The following KCNIP4 variants were observed in gnomAD, a reference collection of about 807,000 sequenced individuals.
The protein encoded by KCNIP4 is potassium voltage-gated channel interacting protein 4.
KCNIP4 carries 12 observed loss-of-function variants against 34.0 expected under a neutral mutation model. That is an observed-to-expected ratio of 0.35 (90% CI 0.23 to 0.57). The LOEUF (loss-of-function observed/expected upper bound fraction) is 0.57. KCNIP4 is among the 20% of genes least tolerant of loss of function. The pLI is 0.83. For synonymous variants in KCNIP4, 124 were observed against 102.2 expected (o/e 1.21, Z -1.29); for missense variants, 238 against 311.7 (o/e 0.76, Z 1.78).
In KCNIP4 at chr4:21,374,064, A is replaced by G. The variant is rs535297067; in HGVS notation, c.62-491355T>C. Among the ~76,000 whole-genome samples, 3 of 147,494 alleles carry G rather than the reference A, an allele frequency of 2.0e-5. No individual in the cohort carries two copies. The East Asian group carries it at 5.9e-4, about 29-fold the overall frequency. ...AGCACTATGTTAGTAAAATGCCACC[A>G]CAAATACTTTGCAGAATTACTGTAA... On this transcript the variant is annotated intron_variant, in intron 1 of 8. Transcript: ENST00000382152.
chr4:20,986,324 G>T (rs748352819), intron 1 of KCNIP4, among the ~76,000 whole-genome samples: 24 of 152,114 alleles, frequency 1.6e-4, no homozygotes, highest in Non-Finnish European at 2.6e-4. Flanking sequence ...AGATATCCTT[G>T]TATCCACCTG....
intron 1 of KCNIP4, among the ~76,000 whole-genome samples, chr4:21,247,798 T>G (rs566544193): frequency 1.2e-5 from 1 of 86,726 alleles, no homozygotes; most frequent in Admixed American, 1.2e-4. Flanking sequence ...ACACCACAGG[T>G]GGATATATAT....
At chr4:21,291,867 A>AGG (rs1473818150) in intron 1 of KCNIP4, among the ~76,000 whole-genome samples, 2 of 51,116 alleles carry the variant, frequency 3.9e-5, no homozygotes, top group African/African-American at 2.0e-4. Flanking sequence ...AAAAAAAAAA[A>AGG]AAAGAAAGAA....
chr4:21,415,396 T>C (rs1164709185), intron 1 of KCNIP4, among the ~76,000 whole-genome samples: 1 of 152,064 alleles, frequency 6.6e-6, no homozygotes, highest in East Asian at 1.9e-4. Flanking sequence ...GTGCCTTTAG[T>C]AAATAATATT....
chr4:21,535,956 A>G (rs1737131003), intron 1 of KCNIP4, among the ~76,000 whole-genome samples: 1 of 152,128 alleles, frequency 6.6e-6, no homozygotes. Context: ...CTCCCTTGGT[A>G]TATCTCACCT....
chr4:21,286,111 A>G (rs895421562), intron 1 of KCNIP4, among the ~76,000 whole-genome samples: 1 of 152,102 alleles, frequency 6.6e-6, no homozygotes, highest in Non-Finnish European at 1.5e-5. Context: ...CATGTCCTCC[A>G]CTTATCTTGG....
chr4:21,508,733 G>T (rs2109913933), intron 1 of KCNIP4, among the ~76,000 whole-genome samples: 1 of 137,326 alleles, frequency 7.3e-6, no homozygotes, highest in African/African-American at 3.6e-5. Context: ...TGAACATGCT[G>T]TCTGCTGCCC....
chr4:20,940,179 T>C (rs1441899207), intron 1 of KCNIP4, among the ~76,000 whole-genome samples: 3 of 152,190 alleles, frequency 2.0e-5, no homozygotes, highest in African/African-American at 7.2e-5. Context: ...CATCTGTCCA[T>C]TAAGGCACAG....
chr4:20,803,104 A>C (rs550299621), intron 3 of KCNIP4, among the ~76,000 whole-genome samples: 3 of 150,922 alleles, frequency 2.0e-5, no homozygotes, highest in Admixed American at 1.3e-4. Flanking sequence ...AAAAATCTTG[A>C]GATAAATGAC....
Position 21,115,167 on chromosome 4 carries a change from C to A in KCNIP4, c.62-232458G>T, listed in dbSNP as rs375052653. Reference sequence around the variant, plus strand: ...ATTTCCTGTCTCTCCTTCCCATAATCCCACTGTTACCCCATGTGCATATTA... The same window carrying A: ...ATTTCCTGTCTCTCCTTCCCATAATACCACTGTTACCCCATGTGCATATTA... On this transcript the variant is annotated intron_variant, in intron 1 of 8. Transcript: ENST00000382152. Among the ~76,000 whole-genome samples, 26 of 152,260 alleles carry A rather than the reference C, an allele frequency of 1.7e-4. No individual in the cohort carries two copies. In the East Asian group the frequency reaches 4.8e-3, roughly 28 times the overall value.
At chr4:20,777,208 T>C (rs537065621) in intron 3 of KCNIP4, among the ~76,000 whole-genome samples, 1 of 152,154 alleles carries the variant, frequency 6.6e-6, no homozygotes, top group Non-Finnish European at 1.5e-5. Context: ...CTTCTTCACA[T>C]GGCAGCAGAA....
At chr4:21,177,761 T>A (rs11729661) in intron 1 of KCNIP4, among the ~76,000 whole-genome samples, 20 of 151,374 alleles carry the variant, frequency 1.3e-4, no homozygotes, top group African/African-American at 4.6e-4. Context: ...GGCAGGAGAA[T>A]GGCTTGAACC....
chr4:21,469,483 AAAT>A (rs1205543967), intron 1 of KCNIP4, among the ~76,000 whole-genome samples: 2 of 152,208 alleles, frequency 1.3e-5, no homozygotes, highest in African/African-American at 4.8e-5. Flanking sequence ...ATATACTATG[AAAT>A]AATATCTTCA....
chr4:21,083,718 T>C (rs576441392), intron 1 of KCNIP4, among the ~76,000 whole-genome samples: 2 of 152,068 alleles, frequency 1.3e-5, no homozygotes, highest in African/African-American at 4.8e-5. Flanking sequence ...AATTCTGGCT[T>C]CTGGCCTTCC....
At chr4:21,901,598 C>A (rs1201689407) in intron 1 of KCNIP4, among the ~76,000 whole-genome samples, 1 of 152,068 alleles carries the variant, frequency 6.6e-6, no homozygotes, top group Non-Finnish European at 1.5e-5. Context: ...TTATTCTCTT[C>A]TACATACTGG....
chr4:21,911,380 A>G (rs1234783570), intron 1 of KCNIP4, among the ~76,000 whole-genome samples: 3 of 152,104 alleles, frequency 2.0e-5, no homozygotes, highest in Non-Finnish European at 4.4e-5. Context: ...TGGTTAGAAG[A>G]TTCTCTCATT....
At chr4:21,621,396 C>T (rs1342724970) in intron 1 of KCNIP4, among the ~76,000 whole-genome samples, 2 of 152,162 alleles carry the variant, frequency 1.3e-5, no homozygotes, top group Non-Finnish European at 2.9e-5. Flanking sequence ...GGGTCTTGCT[C>T]TATCACCCAG....
At chr4:20,906,651 A>G (rs1397675110) in intron 1 of KCNIP4, among the ~76,000 whole-genome samples, 4 of 152,280 alleles carry the variant, frequency 2.6e-5, no homozygotes, top group African/African-American at 9.6e-5. Flanking sequence ...GGAATTCACA[A>G]AGGGCTATTT....
chr4:20,979,826 G>A (rs1343328478), intron 1 of KCNIP4, among the ~76,000 whole-genome samples: 1 of 152,066 alleles, frequency 6.6e-6, no homozygotes, highest in Non-Finnish European at 1.5e-5. Flanking sequence ...CAATGTTTAG[G>A]GAATAAGTGT....
Sources: allele counts gnomAD v4.1 joint callset (sites outside exome capture counted in the v4.1 genomes callset), GRCh38; gene constraint gnomAD v4.1.1; transcripts MANE v1.5; gene names NCBI Gene and HGNC (gene_info 2026-07-23, HGNC 2026-07-21).